PELI2: variants seen among roughly 807,000 people sequenced by gnomAD.
PELI2 encodes pellino E3 ubiquitin protein ligase family member 2, also known as E3 ubiquitin-protein ligase pellino homolog 2.
In PELI2, 23 loss-of-function variants were observed where a neutral mutation model predicts 42.3. The ratio of observed to expected loss-of-function variants is 0.54; its 90% CI spans 0.39 to 0.77. PELI2 has a LOEUF of 0.77. PELI2 is among the 30% of genes least tolerant of loss of function. PELI2 has a pLI of 0.00. For synonymous variants in PELI2, 245 were observed against 212.2 expected (o/e 1.15, Z -1.34); for missense variants, 463 against 553.2 (o/e 0.84, Z 1.64).
At chr14:56,231,266 C>T (rs1019289512) in intron 2 of PELI2, among the ~76,000 whole-genome samples, 1 of 152,190 alleles carries the variant, frequency 6.6e-6, no homozygotes, top group Non-Finnish European at 1.5e-5. Flanking sequence ...ACCTAATAGA[C>T]ATCTACAGAA....
chr14:56,259,739 A>T (rs1025280838), intron 2 of PELI2, among the ~76,000 whole-genome samples: 1 of 152,178 alleles, frequency 6.6e-6, no homozygotes, highest in African/African-American at 2.4e-5. Context: ...CCTACAGTAG[A>T]AACAAAACGA....
intron 1 of PELI2, among the ~76,000 whole-genome samples, chr14:56,122,053 G>C (rs906167864): frequency 6.6e-6 from 1 of 152,200 alleles, no homozygotes; most frequent in African/African-American, 2.4e-5. Context: ...AAGAAAGACA[G>C]TGATGTTTTG....
chr14:56,166,120 CT>C (rs143346535), intron 1 of PELI2, among the ~76,000 whole-genome samples: 8,647 of 152,156 alleles, frequency 0.057, 384 homozygotes, highest in Admixed American at 0.13. Flanking sequence ...TAGTTTCTTG[CT>C]TTTTGTATAT....
Position 56,292,873 on chromosome 14 carries a change from C to A in PELI2, c.696+2417C>A, listed in dbSNP as rs191608121. On this transcript the variant is annotated intron_variant, in intron 5 of 5. Transcript: ENST00000267460. The stretch of plus-strand genomic sequence containing the variant: ...GCTAGTTAATGATAACATATGGTAA[C>A]ATTTATAATATTACTCCAGGAGGGC... 221 of 908,278 alleles carry A rather than the reference C, an allele frequency of 2.4e-4. 1 individual carries two copies. The African/African-American group carries it at 3.8e-3, about 15-fold the overall frequency. 56.3% of individuals were successfully genotyped at this position (908,278 alleles called of 1,614,324 possible). A position where few individuals can be genotyped will look rare whatever the true frequency, so the allele number is the denominator to read the frequency against.
chr14:56,242,051 T>C lies in PELI2; in HGVS notation c.208-37625T>C, dbSNP rs369071209. Among the ~76,000 whole-genome samples, 179 of 152,270 alleles carry C rather than the reference T, an allele frequency of 1.2e-3. 2 individuals carry two copies. Among genetic ancestry groups the C allele is most frequent in the African/African-American group, 4.0e-3 (166 of 41,552 alleles). On this transcript the variant is annotated intron_variant, in intron 2 of 5. Coordinates refer to ENST00000267460, the MANE Select transcript of PELI2 (RefSeq NM_021255.3). ...GCTCTGTAATGGCCTAGCAATCAGC[T>C]TCCAGGTAGGCAGAGGCCTGTGGAA...
intron 2 of PELI2, among the ~76,000 whole-genome samples, chr14:56,199,715 T>G (rs1886263426): frequency 6.6e-6 from 1 of 152,210 alleles, no homozygotes; most frequent in African/African-American, 2.4e-5. Flanking sequence ...AAGATACAAG[T>G]TGTTTTGGTA....
chr14:56,163,655 T>C lies in PELI2; in HGVS notation c.78-14680T>C, dbSNP rs192384925. Among the ~76,000 whole-genome samples, 674 of 152,220 alleles carry C rather than the reference T, an allele frequency of 4.4e-3. 6 individuals carry two copies. Among genetic ancestry groups the C allele is most frequent in the African/African-American group, 0.015 (619 of 41,548 alleles). On this transcript the variant is annotated intron_variant, in intron 1 of 5. Coordinates refer to ENST00000267460, the MANE Select transcript of PELI2 (RefSeq NM_021255.3). Reference sequence around the variant, plus strand: ...TAGGGATTTCATTGAATCTGTAGATTGCTTTGGGTAGTATGGACATTTGAA... The same window carrying C: ...TAGGGATTTCATTGAATCTGTAGATCGCTTTGGGTAGTATGGACATTTGAA...
intron 1 of PELI2, among the ~76,000 whole-genome samples, chr14:56,140,308 T>A (rs776295891): frequency 1.3e-5 from 2 of 152,218 alleles, no homozygotes; most frequent in Non-Finnish European, 2.9e-5. Context: ...CTTATTCATT[T>A]AAAATGAATT....
chr14:56,152,984 A>G (rs1884419596), intron 1 of PELI2, among the ~76,000 whole-genome samples: 1 of 152,156 alleles, frequency 6.6e-6, no homozygotes, highest in Admixed American at 6.5e-5. Flanking sequence ...ATACACACCT[A>G]CCTCTGCAGT....
chr14:56,295,262 C>A (rs569753461), intron 5 of PELI2, among the ~76,000 whole-genome samples: 43 of 152,210 alleles, frequency 2.8e-4, no homozygotes, highest in African/African-American at 9.9e-4. Context: ...AAAGGTCAAT[C>A]AGTTCTTTTA....
Position 56,296,872 on chromosome 14 carries a change from C to G in PELI2, c.969C>G (p.Gly323=). 1 of 1,614,100 alleles carries G rather than the reference C, an allele frequency of 6.2e-7. No homozygotes were observed. Among genetic ancestry groups the G allele is most frequent in the Admixed American group, 1.7e-5 (1 of 60,024 alleles). Residue 323 remains glycine (G), a synonymous_variant, in exon 6 of 6, where the codon GGC becomes GGG. Transcript: ENST00000267460. ...CGHVHGYHNW[G]HRSDTEANER... Reference sequence around the variant, plus strand: ...ACGTGCACGGGTACCACAACTGGGGCCATCGGAGTGACACGGAGGCCAACG... The same window carrying G: ...ACGTGCACGGGTACCACAACTGGGGGCATCGGAGTGACACGGAGGCCAACG...
chr14:56,284,981 G>A (rs2139885423), intron 3 of PELI2, among the ~76,000 whole-genome samples: 1 of 152,376 alleles, frequency 6.6e-6, no homozygotes, highest in South Asian at 2.1e-4. Flanking sequence ...TAGAGGCTGA[G>A]ACAGGTAGGA....
At chr14:56,195,001 G>T in intron 2 of PELI2, among the ~76,000 whole-genome samples, 1 of 152,192 alleles carries the variant, frequency 6.6e-6, no homozygotes, top group Non-Finnish European at 1.5e-5. Context: ...ATGAATGTGG[G>T]ATAATTCACT....
chr14:56,168,679 T>G (rs921779377), intron 1 of PELI2, among the ~76,000 whole-genome samples: 4 of 152,172 alleles, frequency 2.6e-5, no homozygotes, highest in Admixed American at 6.5e-5. Context: ...GTGGCCGTGC[T>G]GGTACGTAAG....
intron 3 of PELI2, among the ~76,000 whole-genome samples, chr14:56,283,902 G>C (rs1169001395): frequency 6.6e-6 from 1 of 152,188 alleles, no homozygotes; most frequent in African/African-American, 2.4e-5. Flanking sequence ...TGAAAAGACA[G>C]GCTTGTTTCC....
At chr14:56,251,082 T>A (rs568084619) in intron 2 of PELI2, among the ~76,000 whole-genome samples, 276 of 152,282 alleles carry the variant, frequency 1.8e-3, no homozygotes, top group Non-Finnish European at 2.9e-3. Flanking sequence ...AGGCCGCCCC[T>A]GGGGGCACCA....
At chr14:56,241,453 A>G (rs191157794) in intron 2 of PELI2, among the ~76,000 whole-genome samples, 2 of 152,296 alleles carry the variant, frequency 1.3e-5, no homozygotes, top group African/African-American at 4.8e-5. Context: ...CCAGATAGAA[A>G]GGGTGCAGCA....
At chr14:56,271,118 C>T (rs3825619) in intron 2 of PELI2, among the ~76,000 whole-genome samples, 20,259 of 152,218 alleles carry the variant, frequency 0.13, 1,721 homozygotes, top group Middle Eastern at 0.21. Context: ...TGCCCATATA[C>T]GTTTGATACC....
At position 56,180,523 on chromosome 14, in the gene PELI2, A is replaced by G. The variant is rs1412002451; in HGVS notation, c.207+2059A>G. 2.0e-5 allele frequency among the ~76,000 whole-genome samples: 3 copies of G among 152,158 alleles called. No homozygotes were observed. The highest frequency in any genetic ancestry group is 4.4e-5 in the Non-Finnish European group (3 of 68,020). ...ATCTCTTTTAAAGGTTTACATTTTC[A>G]AGAGAGAGACTCTGATAGGTCTCCC... On this transcript the variant is annotated intron_variant, in intron 2 of 5. Coordinates refer to ENST00000267460, the MANE Select transcript of PELI2 (RefSeq NM_021255.3). The surrounding 1 kb of genome is among the most constrained non-coding windows in gnomAD (Gnocchi z 4.4).
Sources: gnomAD v4.1 joint callset for allele counts (sites outside exome capture counted in the v4.1 genomes callset) on GRCh38, gnomAD v4.1.1 for gene constraint, Gnocchi (gnomAD v3.1) non-coding constraint, MANE v1.5 for transcripts, NCBI Gene and HGNC (gene_info 2026-07-23, HGNC 2026-07-21) for gene names.